Variants in PTK7 observed in about 807,000 individuals in gnomAD.
PTK7 encodes inactive tyrosine-protein kinase 7.
PTK7 carries 39 observed loss-of-function variants against 116.6 expected under a neutral mutation model. That is an observed-to-expected ratio of 0.33 (90% CI 0.26 to 0.44). PTK7 has a LOEUF of 0.44. PTK7 is among the 20% of genes least tolerant of loss of function. The pLI, the probability that PTK7 is intolerant of heterozygous loss-of-function variation, is 1.00. For synonymous variants in PTK7, 546 were observed against 563.6 expected, an observed-to-expected ratio of 0.97 and a Z score of 0.44; for missense variants, 1,169 against 1,425.6, an observed-to-expected ratio of 0.82 and a Z score of 2.90.
chr6:43,144,202 C>T, intron 14 of PTK7: 1 of 526,658 alleles, frequency 1.9e-6, no homozygotes, highest in East Asian at 3.1e-5. Flanking sequence ...GATTAGATGT[C>T]TGCAGTTGGC....
At chr6:43,144,980 C>T (rs531712822) in intron 15 of PTK7, 78 of 435,650 alleles carry the variant, frequency 1.8e-4, no homozygotes, top group Non-Finnish European at 2.7e-4. Context: ...AATTCTCATG[C>T]GAGTCACCCT....
chr6:43,102,010 A>C (rs771728918), intron 1 of PTK7, among the ~76,000 whole-genome samples: 1 of 151,884 alleles, frequency 6.6e-6, no homozygotes, highest in Non-Finnish European at 1.5e-5. Flanking sequence ...AGCCTGGCCA[A>C]CATGGTGAGA....
intron 17 of PTK7, 37 bp from the exon 18 acceptor site, chr6:43,158,780 T>C: frequency 6.2e-7 from 1 of 1,603,786 alleles, no homozygotes; most frequent in South Asian, 1.1e-5. Context: ...TGATGCCTAT[T>C]CCTGGGCTGC....
intron 1 of PTK7, among the ~76,000 whole-genome samples, chr6:43,110,059 T>A (rs1768109238): frequency 6.9e-6 from 1 of 144,196 alleles, no homozygotes; most frequent in South Asian, 2.3e-4. Flanking sequence ...TGCAGTGGCG[T>A]GATTTTGGCT....
intron 18 of PTK7, 92 bp from the exon 19 acceptor site, chr6:43,159,696 G>T: frequency 7.3e-7 from 1 of 1,360,822 alleles, no homozygotes; most frequent in Non-Finnish European, 1.0e-6. Context: ...TGGGCCCCCG[G>T]CTTGGGGATG....
intron 18 of PTK7, 101 bp from the exon 19 acceptor site, chr6:43,159,687 G>T: frequency 8.1e-7 from 1 of 1,240,692 alleles, no homozygotes. Flanking sequence ...TAGAAAGGCT[G>T]GGCCCCCGGC....
chr6:43,160,651 A>G, intron 19 of PTK7, 70 bp from the exon 20 acceptor site: 1 of 1,571,162 alleles, frequency 6.4e-7, no homozygotes, highest in Non-Finnish European at 8.7e-7. Context: ...TATAAACTGC[A>G]AGGTCCACAA....
At position 43,106,087 on chromosome 6, in the gene PTK7, A is replaced by AT. The variant is rs904932026; in HGVS notation, c.80-22881dup. On this transcript the variant is annotated intron_variant, in intron 1 of 19. Coordinates refer to ENST00000230419, the MANE Select transcript of PTK7 (RefSeq NM_002821.5). ...GAAACAGGGACTCATTGTGGTTGTG[A>AT]TTTTTTTTTGTTGTTGGGGGACAGC... 9.3e-5 allele frequency among the ~76,000 whole-genome samples: 14 copies of AT among 150,786 alleles called. No homozygotes were observed. The South Asian group carries it at 1.1e-3, about 11-fold the overall frequency.
In PTK7 at chr6:43,083,423, T is replaced by C. The variant is rs1350994723; in HGVS notation, c.79+6856T>C. On this transcript the variant is annotated intron_variant, in intron 1 of 19. Transcript: ENST00000230419. The stretch of plus-strand genomic sequence containing the variant: ...GTCCTGCCATTGTAGCTGGTTAGAG[T>C]CCTATGTTGGAATTCTCTTGAGTTC... Among the ~76,000 whole-genome samples the C allele has an allele frequency of 1.3e-5, 2 of 152,148 alleles. 1 individual carries two copies. The highest frequency in any genetic ancestry group is 4.1e-4 in the South Asian group (2 of 4,834).
intron 7 of PTK7, among the ~76,000 whole-genome samples, chr6:43,136,965 C>T (rs1001428352): frequency 1.3e-5 from 2 of 152,212 alleles, no homozygotes; most frequent in Non-Finnish European, 2.9e-5. Flanking sequence ...AGTGGCGTGA[C>T]TGCACTCCAG....
chr6:43,160,139 G>A (rs964170668), intron 19 of PTK7, among the ~76,000 whole-genome samples, 173 bp downstream of exon 19: 5 of 152,122 alleles, frequency 3.3e-5, no homozygotes, highest in African/African-American at 9.7e-5. Flanking sequence ...CTTTTGAGAC[G>A]GAGTGTCGCC....
chr6:43,142,348 G>T (rs372652337), intron 13 of PTK7, 49 bp downstream of exon 13: 1 of 1,612,798 alleles, frequency 6.2e-7, no homozygotes, highest in South Asian at 1.1e-5. Flanking sequence ...GGGCCCAGAC[G>T]TTTGTCACCT....
chr6:43,157,347 TATATATATATATATATA>T (rs1267378574), intron 17 of PTK7, among the ~76,000 whole-genome samples: 691 of 14,518 alleles, frequency 0.048, 103 homozygotes, highest in African/African-American at 0.054. Flanking sequence ...TATATATATA[TATATATATATATATATA>T]TTTTTTTTTT....
At chr6:43,089,275 C>T (rs1400128068) in intron 1 of PTK7, among the ~76,000 whole-genome samples, 2 of 152,120 alleles carry the variant, frequency 1.3e-5, no homozygotes, top group Non-Finnish European at 2.9e-5. Context: ...TCTCAGACTC[C>T]AGTGTGGGAA....
At chr6:43,082,720 T>TA (rs370290843) in intron 1 of PTK7, among the ~76,000 whole-genome samples, 1 of 152,334 alleles carries the variant, frequency 6.6e-6, no homozygotes, top group Non-Finnish European at 1.5e-5. Flanking sequence ...TAAATTGAAT[T>TA]AGATTTTGTC....
Position 43,129,543 on chromosome 6 carries a change from G to T in PTK7, c.368-184G>T, listed in dbSNP as rs996438549. 14 of 680,066 alleles carry T rather than the reference G, an allele frequency of 2.1e-5. No individual in the cohort carries two copies. The highest frequency in any genetic ancestry group is 1.8e-5 in the African/African-American group (1 of 55,380). 42.1% of individuals were successfully genotyped at this position (680,066 alleles called of 1,614,324 possible). On this transcript the variant is annotated intron_variant, in intron 2 of 19. Coordinates refer to ENST00000230419, the MANE Select transcript of PTK7 (RefSeq NM_002821.5). This position sits in a 1 kb window ranked among gnomAD's most constrained non-coding sequence, Gnocchi z 4.5. The stretch of plus-strand genomic sequence containing the variant: ...CTTGGCCAAGTGTCAGACTTGACCT[G>T]CCAGGGACCAGGCAGGCACTTAGTA...
chr6:43,149,059 C>CAAA (rs59033917), intron 17 of PTK7, among the ~76,000 whole-genome samples: 48 of 69,834 alleles, frequency 6.9e-4, no homozygotes, highest in South Asian at 3.2e-3. Flanking sequence ...GACTTTGTCT[C>CAAA]AAAAAAAAAA....
At chr6:43,137,771 A>G (rs1305630501) in intron 7 of PTK7, among the ~76,000 whole-genome samples, 1 of 152,092 alleles carries the variant, frequency 6.6e-6, no homozygotes, top group Non-Finnish European at 1.5e-5. Context: ...TTAGCAAATC[A>G]CCATTACTTC....
At chr6:43,130,081 T>C in intron 3 of PTK7, 149 bp from the exon 4 acceptor site, 1 of 863,650 alleles carries the variant, frequency 1.2e-6, no homozygotes, top group Non-Finnish European at 1.8e-6. Flanking sequence ...TCAGAATTAC[T>C]GTGTGCCCTT....
Sources: gnomAD v4.1 joint callset for allele counts (sites outside exome capture counted in the v4.1 genomes callset) on GRCh38, gnomAD v4.1.1 for gene constraint, Gnocchi (gnomAD v3.1) non-coding constraint, MANE v1.5 for transcripts, NCBI Gene and HGNC (gene_info 2026-07-23, HGNC 2026-07-21) for gene names.